Variants in EP300 observed in about 807,000 individuals in gnomAD.
EP300 encodes EP300 lysine acetyltransferase.
A neutral mutation model predicts 264.0 loss-of-function variants in EP300; 31 were observed. The ratio of observed to expected loss-of-function variants is 0.12; its 90% CI spans 0.09 to 0.16. EP300 has a LOEUF of 0.16. Ranked by LOEUF, EP300 falls within the 10% of genes least tolerant of loss-of-function variation. The probability of loss-of-function intolerance (pLI) is 1.00; values close to 1 mark genes in which losing one functional copy is unlikely to be tolerated. For missense variants in EP300, 2,766 were observed against 3,052.9 expected, an observed-to-expected ratio of 0.91 and a Z score of 2.21; for synonymous variants, 1,340 against 1,045.4, an observed-to-expected ratio of 1.28 and a Z score of -5.44.
At chr22:41,121,642 A>C (rs980207982) in intron 2 of EP300, among the ~76,000 whole-genome samples, 46 of 152,182 alleles carry the variant, frequency 3.0e-4, no homozygotes, top group African/African-American at 1.1e-3. Flanking sequence ...CATCGTGATC[A>C]AGGGAACAAG....
At position 41,168,433 on chromosome 22, in the gene EP300, A is replaced by C; in HGVS notation, c.3875-16A>C. ...TAAATTTGCACCTCAGTAACTTTTA[A>C]CTTTTACATTCCTAGGGTTGCCATC... On this transcript the variant is annotated splice_polypyrimidine_tract_variant and intron_variant, in intron 23 of 30. Coordinates refer to ENST00000263253, the MANE Select transcript of EP300 (RefSeq NM_001429.4). 6.2e-7 allele frequency: 1 copy of C among 1,614,058 alleles called. No individual in the cohort carries two copies. The highest frequency in any genetic ancestry group is 8.5e-7 in the Non-Finnish European group (1 of 1,179,978).
intron 9 of EP300, 54 bp from the exon 10 acceptor site, chr22:41,140,994 G>C (rs531197375): frequency 6.5e-7 from 1 of 1,528,100 alleles, no homozygotes; most frequent in South Asian, 1.2e-5. Context: ...TCTGTTACCT[G>C]GTGGTAGTTC....
rs1188461440 is a variant in EP300, at chr22:41,178,749, C to T, written c.7038C>T (p.Ser2346=). The T allele has an allele frequency of 1.2e-6, 2 of 1,614,018 alleles. No homozygotes were observed. The highest frequency in any genetic ancestry group is 1.7e-5 in the Admixed American group (1 of 59,988). The change falls in exon 31 of 31, where the codon TCC becomes TCT. Residue 2346 remains serine, a synonymous_variant. Transcript: ENST00000263253. ...ACCACGTTTCCCCACAGACAAGTTC[C>T]CCACATCCTGGACTGGTAGCTGCCC... is the stretch of plus-strand genomic sequence containing the variant. ...SPHHVSPQTS[S]PHPGLVAAQA...
chr22:41,171,777 A>G (rs1456128783), intron 27 of EP300, among the ~76,000 whole-genome samples: 1 of 151,542 alleles, frequency 6.6e-6, no homozygotes, highest in Non-Finnish European at 1.5e-5. Flanking sequence ...AAGCCAGGCT[A>G]ATTTTTTCTA....
At position 41,141,034 on chromosome 22, in the gene EP300, C is replaced by T. The variant is rs2145725779; in HGVS notation, c.1879-14C>T. 6.2e-7 allele frequency: 1 copy of T among 1,612,810 alleles called. No homozygotes were observed. The highest frequency in any genetic ancestry group is 8.5e-7 in the Non-Finnish European group (1 of 1,179,442). ...TTTCCTCATCTCCCTTATTTTACTT[C>T]AACAATTCAAAAGGCGGAATACTAC... On this transcript the variant is annotated splice_polypyrimidine_tract_variant and intron_variant, in intron 9 of 30. Coordinates refer to ENST00000263253, the MANE Select transcript of EP300 (RefSeq NM_001429.4).
At chr22:41,137,884 G>A in intron 8 of EP300, 94 bp downstream of exon 8, 2 of 1,559,668 alleles carry the variant, frequency 1.3e-6, no homozygotes, top group Non-Finnish European at 8.8e-7. Context: ...AGGAATATTA[G>A]CAATTTTTCT....
Position 41,129,879 on chromosome 22 carries a change from C to A in EP300, c.1169-11C>A, listed in dbSNP as rs1288243601. 6.2e-7 allele frequency: 1 copy of A among 1,607,014 alleles called. No individual in the cohort carries two copies. Among genetic ancestry groups the A allele is most frequent in the South Asian group, 1.1e-5 (1 of 90,922 alleles). ...ACCTGCTCTTGAAAAAATATGTTTT[C>A]TTCTCTTTAGTGGCACACTGTGCAT... On this transcript the variant is annotated splice_polypyrimidine_tract_variant and intron_variant, in intron 4 of 30. Transcript: ENST00000263253.
intron 25 of EP300, 172 bp from the exon 26 acceptor site, chr22:41,169,331 T>C (rs1261805941): frequency 1.6e-6 from 1 of 633,400 alleles, no homozygotes; most frequent in Non-Finnish European, 2.8e-6. Flanking sequence ...TCACTGAACT[T>C]CCCTGAAGGG....
chr22:41,109,412 A>C (rs2058776457), intron 1 of EP300, among the ~76,000 whole-genome samples: 1 of 152,186 alleles, frequency 6.6e-6, no homozygotes, highest in Non-Finnish European at 1.5e-5. Context: ...TGTACATGTG[A>C]TGTGACTAGT....
chr22:41,158,669 AT>A (rs1181455431), intron 19 of EP300, 169 bp downstream of exon 19: 7 of 630,936 alleles, frequency 1.1e-5, no homozygotes, highest in African/African-American at 1.8e-5. Flanking sequence ...GAACAATAAA[AT>A]TTTCTATCAG....
rs1390695215 is a variant in EP300 at position 41,138,850 on chromosome 22, ATGT to A, written c.1760+1062_1760+1064del. On this transcript the variant is annotated intron_variant, in intron 8 of 30. Coordinates refer to ENST00000263253, the MANE Select transcript of EP300 (RefSeq NM_001429.4). ...TATCATTTTGTCTTAATTTATTTTT[ATGT>A]TATGTCAAACTACCAATTATATACG... Among the ~76,000 whole-genome samples, 4 of 152,070 alleles carry A rather than the reference ATGT, an allele frequency of 2.6e-5. No individual in the cohort carries two copies. The East Asian group carries it at 7.7e-4, about 29-fold the overall frequency.
chr22:41,119,153 C>A (rs990519592), intron 2 of EP300, among the ~76,000 whole-genome samples: 1 of 145,166 alleles, frequency 6.9e-6, no homozygotes, highest in Non-Finnish European at 1.5e-5. Context: ...AAGGCACATA[C>A]CACCATGCCT....
chr22:41,137,187 C>T (rs192308049), intron 7 of EP300, among the ~76,000 whole-genome samples: 2 of 151,698 alleles, frequency 1.3e-5, no homozygotes, highest in East Asian at 1.9e-4. Flanking sequence ...GATGAAACCC[C>T]ATCTCTACTA....
Position 41,178,415 on chromosome 22 carries a change from A to G in EP300, c.6704A>G (p.Gln2235Arg). ...ATGCAGCATCACATGCAACAGATGC[A>G]ACAAGGAAATATGGGACAGATAGGC... Reference protein sequence around the residue: ...QRMQHHMQQMQQGNMGQIGQL... With the variant: ...QRMQHHMQQMRQGNMGQIGQL... Residue 2235 changes from glutamine to arginine, a missense_variant, in exon 31 of 31, where the codon CAA becomes CGA. Physicochemically the swap from Gln to Arg is conservative, Grantham distance 43. Transcript: ENST00000263253. 6.2e-7 allele frequency: 1 copy of G among 1,614,190 alleles called. No homozygotes were observed. Among genetic ancestry groups the G allele is most frequent in the Non-Finnish European group, 8.5e-7 (1 of 1,180,024 alleles).
chr22:41,112,504 G>T (rs2058798307), intron 1 of EP300, among the ~76,000 whole-genome samples: 1 of 152,214 alleles, frequency 6.6e-6, no homozygotes, highest in African/African-American at 2.4e-5. Context: ...TGGCCAAGAT[G>T]AATCTTATAT....
chr22:41,167,808 GTTTTTGTTTTTT>G (rs1211187610), intron 23 of EP300, among the ~76,000 whole-genome samples: 276 of 24,676 alleles, frequency 0.011, 3 homozygotes, highest in Non-Finnish European at 0.017. Context: ...ATTTCTGTTT[GTTTTTGTTTTTT>G]TTTTTGTTTT....
Position 41,131,438 on chromosome 22 carries a change from G to T in EP300, c.1333G>T (p.Val445Leu), listed in dbSNP as rs368630029. 1.9e-6 allele frequency: 3 copies of T among 1,613,970 alleles called. No individual in the cohort carries two copies. Among genetic ancestry groups the T allele is most frequent in the Non-Finnish European group, 2.5e-6 (3 of 1,180,018 alleles). ...VGLGNPSSLG[V>L]GQQSAPNLST... Reference sequence around the variant, plus strand: ...ACTTGGAAATCCTAGCTCTCTAGGGGTGGGTCAACAGTCTGCCCCCAACCT... The same window carrying T: ...ACTTGGAAATCCTAGCTCTCTAGGGTTGGGTCAACAGTCTGCCCCCAACCT... Residue 445 changes from valine to leucine, a missense_variant, in exon 6 of 31, where the codon GTG (valine) becomes TTG (leucine). By Grantham distance (32) the Val-to-Leu change is conservative. Transcript: ENST00000263253.
chr22:41,133,977 G>C (rs2058934965), intron 6 of EP300, among the ~76,000 whole-genome samples: 1 of 152,180 alleles, frequency 6.6e-6, no homozygotes. Flanking sequence ...TAAAATGCTA[G>C]ATAGTGACAT....
At chr22:41,129,321 A>G (rs575020184) in intron 4 of EP300, among the ~76,000 whole-genome samples, 10 of 152,236 alleles carry the variant, frequency 6.6e-5, no homozygotes, top group South Asian at 4.1e-4. Context: ...AAAACACACT[A>G]TCGTTTTTGT....
Sources: allele counts gnomAD v4.1 joint callset (sites outside exome capture counted in the v4.1 genomes callset), GRCh38; gene constraint gnomAD v4.1.1; transcripts MANE v1.5; gene names NCBI Gene and HGNC (gene_info 2026-07-23, HGNC 2026-07-21).